The following CRY1 variants were observed in gnomAD, a reference collection of about 807,000 sequenced individuals.
CRY1 encodes the protein cryptochrome-1.
A neutral mutation model predicts 76.0 loss-of-function variants in CRY1; 45 were observed. That is an observed-to-expected ratio of 0.59 (90% CI 0.47 to 0.76). CRY1 has a LOEUF of 0.76. CRY1 is among the 30% of genes least tolerant of loss of function. The pLI, the probability that CRY1 is intolerant of heterozygous loss-of-function variation, is 0.00. For missense variants in CRY1, 587 were observed against 716.4 expected (o/e 0.82, Z 2.06); for synonymous variants, 248 against 244.0 (o/e 1.02, Z -0.15).
Position 106,997,996 on chromosome 12 carries a change from C to T in CRY1, c.1208G>A (p.Ser403Asn). The change falls in exon 8 of 13, where the codon AGT becomes AAT. Residue 403 changes from serine to asparagine, a missense_variant. Ser to Asn is a conservative substitution (Grantham distance 46, BLOSUM62 1). Transcript: ENST00000008527. ...GTGAAAAAACTGTTGAAAAAAGGAACTACAAGACAGCCACATCCAACTTCC... is the reference window on the plus strand; with the variant it reads ...GTGAAAAAACTGTTGAAAAAAGGAATTACAAGACAGCCACATCCAACTTCC... ...NAGSWMWLSC[S>N]SFFQQFFHCY... is the part of the protein sequence containing the mutation. The T allele has an allele frequency of 6.2e-7, 1 of 1,614,150 alleles. No individual in the cohort carries two copies. The highest frequency in any genetic ancestry group is 8.5e-7 in the Non-Finnish European group (1 of 1,179,994).
At chr12:107,012,429 A>C (rs1952455707) in intron 2 of CRY1, among the ~76,000 whole-genome samples, 1 of 152,210 alleles carries the variant, frequency 6.6e-6, no homozygotes, top group South Asian at 2.1e-4. Context: ...ACATATTTTA[A>C]GCTCTCTGTT....
chr12:107,059,379 G>A (rs1201950092), intron 1 of CRY1, among the ~76,000 whole-genome samples: 1 of 152,094 alleles, frequency 6.6e-6, no homozygotes, highest in Admixed American at 6.6e-5. Flanking sequence ...AGCCTCCTGA[G>A]TACTGAAACT....
At chr12:107,047,519 G>A (rs1012130991) in intron 1 of CRY1, among the ~76,000 whole-genome samples, 1 of 152,106 alleles carries the variant, frequency 6.6e-6, no homozygotes, top group Non-Finnish European at 1.5e-5. Flanking sequence ...TTGAATCATG[G>A]AGGCAGTTCC....
chr12:107,075,108 T>G (rs969724934), intron 1 of CRY1, among the ~76,000 whole-genome samples: 1 of 152,200 alleles, frequency 6.6e-6, no homozygotes, highest in Non-Finnish European at 1.5e-5. Context: ...CTATACCCTG[T>G]GCAAAGCATA....
chr12:107,075,015 CA>C (rs5800726), intron 1 of CRY1, among the ~76,000 whole-genome samples: 4 of 149,228 alleles, frequency 2.7e-5, no homozygotes. Flanking sequence ...AACTCTGTCT[CA>C]AAAAAAAAAC....
intron 1 of CRY1, among the ~76,000 whole-genome samples, chr12:107,077,572 C>A (rs1165627508): frequency 1.3e-5 from 2 of 152,106 alleles, no homozygotes; most frequent in Non-Finnish European, 2.9e-5. Flanking sequence ...TCAGGCCTCA[C>A]CTTATCTATA....
chr12:107,075,326 A>G (rs1441782595), intron 1 of CRY1, among the ~76,000 whole-genome samples: 1 of 152,240 alleles, frequency 6.6e-6, no homozygotes, highest in Non-Finnish European at 1.5e-5. Context: ...GAATATAAAA[A>G]GTAAAGTTTT....
At chr12:107,019,941 G>A (rs1357400042) in intron 2 of CRY1, among the ~76,000 whole-genome samples, 1 of 151,876 alleles carries the variant, frequency 6.6e-6, no homozygotes, top group Non-Finnish European at 1.5e-5. Flanking sequence ...CAAAAAAAAA[G>A]GCAACTCCAC....
chr12:107,041,287 T>G (rs1952796427), intron 1 of CRY1, among the ~76,000 whole-genome samples: 1 of 152,206 alleles, frequency 6.6e-6, no homozygotes, highest in Non-Finnish European at 1.5e-5. Context: ...TATTAATGAA[T>G]GCATTGTATC....
At chr12:107,014,340 G>A (rs1413676970) in intron 2 of CRY1, among the ~76,000 whole-genome samples, 1 of 152,132 alleles carries the variant, frequency 6.6e-6, no homozygotes, top group East Asian at 1.9e-4. Context: ...GCTGTGGCTG[G>A]TTCAGGAGGG....
In CRY1 at chr12:107,001,785, C is replaced by G; in HGVS notation, c.574G>C (p.Val192Leu). Residue 192 changes from valine (V) to leucine (L), a missense_variant, in exon 4 of 13, where the codon GTC becomes CTC. Physicochemically the swap from Val to Leu is conservative, Grantham distance 32. Coordinates refer to ENST00000008527, the MANE Select transcript of CRY1 (RefSeq NM_004075.5). ...TCACCTAGCTCTTCCAGTGAAGGGA[C>G]TCCATATTTCTCATCATGGTCATCA... ...LSDDHDEKYG[V>L]PSLEELGFDT... The G allele has an allele frequency of 1.3e-6, 2 of 1,560,946 alleles. No homozygotes were observed. The highest frequency in any genetic ancestry group is 1.7e-6 in the Non-Finnish European group (2 of 1,165,304).
Position 107,076,633 on chromosome 12 carries a change from A to C in CRY1, c.158+16171T>G, listed in dbSNP as rs559702457. On this transcript the variant is annotated intron_variant, in intron 1 of 12. Transcript: ENST00000008527. ...CTGCCTCAAAGAAAAAAAAAAAAAA[A>C]AACCTCTCTTTTCATGTAAGTACAC... Among the ~76,000 whole-genome samples, 668 of 151,222 alleles carry C rather than the reference A, an allele frequency of 4.4e-3. 1 individual carries two copies. The highest frequency in any genetic ancestry group is 6.8e-3 in the Middle Eastern group (2 of 294).
chr12:107,074,150 T>G (rs1481068673), intron 1 of CRY1, among the ~76,000 whole-genome samples: 1 of 152,196 alleles, frequency 6.6e-6, no homozygotes, highest in Admixed American at 6.5e-5. Flanking sequence ...ATTCCCACAT[T>G]ACCCCAAATT....
intron 1 of CRY1, among the ~76,000 whole-genome samples, chr12:107,028,180 T>G (rs928290936): frequency 6.6e-6 from 1 of 151,918 alleles, no homozygotes; most frequent in African/African-American, 2.4e-5. Flanking sequence ...AGAAAAAAAA[T>G]GGAGATTCTC....
At chr12:107,041,993 A>G (rs991646200) in intron 1 of CRY1, among the ~76,000 whole-genome samples, 15 of 152,208 alleles carry the variant, frequency 9.9e-5, no homozygotes, top group African/African-American at 3.6e-4. Flanking sequence ...GCTCAAGACA[A>G]ATAGGATTGG....
chr12:107,001,370 T>C lies in CRY1; in HGVS notation c.596-2A>G, dbSNP rs373277139. 9.4e-6 allele frequency: 15 copies of C among 1,600,678 alleles called. No homozygotes were observed. Among genetic ancestry groups the C allele is most frequent in the Non-Finnish European group, 1.2e-5 (14 of 1,175,916 alleles). The stretch of plus-strand genomic sequence containing the variant: ...AGGATAAGCCATCTGTATCAAAACC[T>C]ACAAGAAAGAAAAGAAAAAAACATC... On this transcript the variant is annotated splice_acceptor_variant, in intron 4 of 12. Coordinates refer to ENST00000008527, the MANE Select transcript of CRY1 (RefSeq NM_004075.5). LOFTEE classifies it high-confidence loss of function.
chr12:107,036,633 A>T (rs1952736017), intron 1 of CRY1, among the ~76,000 whole-genome samples: 1 of 151,606 alleles, frequency 6.6e-6, no homozygotes, highest in Non-Finnish European at 1.5e-5. Flanking sequence ...GGTCCTACAG[A>T]ACGAACCCGG....
chr12:107,088,835 T>A (rs1172246632), intron 1 of CRY1, among the ~76,000 whole-genome samples: 4 of 152,188 alleles, frequency 2.6e-5, no homozygotes, highest in Non-Finnish European at 5.9e-5. Context: ...CAATCATCCA[T>A]CACCTTCTAG....
In CRY1 at chr12:107,050,852, TATGAAAGAAGGAGGGGGCAGC is replaced by T. The variant is rs568772359; in HGVS notation, c.159-28681_159-28661del. Among the ~76,000 whole-genome samples the T allele has an allele frequency of 4.7e-4, 72 of 152,112 alleles. No homozygotes were observed. In the South Asian group the frequency reaches 7.3e-3, roughly 15 times the overall value. ...GACAAATGGGTGTTTGGATGTCAAT[TATGAAAGAAGGAGGGGGCAGC>T]ATGAAAGAAAGGAAGAGTGGAATGG... On this transcript the variant is annotated intron_variant, in intron 1 of 12. Transcript: ENST00000008527.
Sources: gnomAD v4.1 joint callset for allele counts (sites outside exome capture counted in the v4.1 genomes callset) on GRCh38, gnomAD v4.1.1 for gene constraint, MANE v1.5 for transcripts, NCBI Gene and HGNC (gene_info 2026-07-23, HGNC 2026-07-21) for gene names.